The following MTFR1 variants were observed in gnomAD, a reference collection of about 807,000 sequenced individuals.
MTFR1 encodes chondrocyte protein with a poly-proline region.
A neutral mutation model predicts 38.8 loss-of-function variants in MTFR1; 28 were observed. The ratio of observed to expected loss-of-function variants is 0.72; its 90% confidence interval spans 0.53 to 0.99. MTFR1 has a LOEUF of 0.99. MTFR1 is among the 50% of genes least tolerant of loss of function. The pLI, the probability that MTFR1 is intolerant of heterozygous loss-of-function variation, is 0.00. For missense variants in MTFR1, 358 were observed against 395.5 expected (o/e 0.91, Z 0.81); for synonymous variants, 145 against 137.0 (o/e 1.06, Z -0.41).
At chr8:65,732,959 C>T (rs925607865) in intron 3 of MTFR1, among the ~76,000 whole-genome samples, 1 of 152,136 alleles carries the variant, frequency 6.6e-6, no homozygotes, top group African/African-American at 2.4e-5. Flanking sequence ...AGCCATCCGC[C>T]TCAGCCTCCC....
chr8:65,667,037 G>A (rs1432372246), intron 1 of MTFR1, among the ~76,000 whole-genome samples: 1 of 152,172 alleles, frequency 6.6e-6, no homozygotes, highest in African/African-American at 2.4e-5. Flanking sequence ...ACTTTGGGAG[G>A]CTGAGGTGGT....
At chr8:65,724,310 C>A (rs200682112) in intron 3 of MTFR1, 14 of 1,612,808 alleles carry the variant, frequency 8.7e-6, no homozygotes, top group East Asian at 2.2e-5. Context: ...TTAATTCCCA[C>A]GTCCGACATG....
Position 65,707,214 on chromosome 8 carries a change from T to G in MTFR1, c.722T>G (p.Ile241Ser). The G allele has an allele frequency of 6.2e-7, 1 of 1,614,192 alleles. No homozygotes were observed. The highest frequency in any genetic ancestry group is 1.1e-5 in the South Asian group (1 of 91,088). The change falls in exon 6 of 8, where the codon ATC (isoleucine) becomes AGC (serine). Residue 241 changes from isoleucine to serine, a missense_variant. Ile to Ser is a moderately radical substitution (Grantham distance 142). Transcript: ENST00000262146. ...CCTGAAATGCCAAATATGCTAGAGA[T>G]CCTTAAAGAGATGAACAGTGTAAAA... Reference protein sequence around the residue: ...KKPEMPNMLEILKEMNSVKLR... With the variant: ...KKPEMPNMLESLKEMNSVKLR...
rs550259405 is a variant in MTFR1, at chr8:65,735,011, C to T, written c.*48+15530C>T. 1.5e-5 allele frequency: 10 copies of T among 671,540 alleles called. 1 individual carries two copies. Among genetic ancestry groups the T allele is most frequent in the South Asian group, 7.1e-5 (4 of 56,214 alleles). The allele number at this position is 671,540 out of a possible 1,614,324, so 41.6% of individuals were successfully genotyped here. A position where few individuals can be genotyped will look rare whatever the true frequency, so the allele number is the denominator to read the frequency against. On this transcript the variant is annotated intron_variant, in intron 3 of 3. Transcript: ENST00000521247. ...TTTTCATGTAGCTATCGGCTAAAAT[C>T]GTGCCGATTCGGGCAGATGATAATC...
intron 1 of MTFR1, among the ~76,000 whole-genome samples, chr8:65,668,751 C>A (rs2129050897): frequency 6.6e-6 from 1 of 152,126 alleles, no homozygotes; most frequent in Admixed American, 6.6e-5. Flanking sequence ...TGACCTCAAG[C>A]AATCCGCCTC....
At chr8:65,757,872 C>T (rs1180838147) in intron 3 of MTFR1, among the ~76,000 whole-genome samples, 2 of 152,190 alleles carry the variant, frequency 1.3e-5, no homozygotes, top group African/African-American at 4.8e-5. Context: ...CCGCCTTGGC[C>T]TCCCAAAGTG....
At chr8:65,768,404 G>A (rs1254156436) in intron 3 of MTFR1, among the ~76,000 whole-genome samples, 1 of 152,166 alleles carries the variant, frequency 6.6e-6, no homozygotes, top group Admixed American at 6.5e-5. Flanking sequence ...TCTCATGATA[G>A]TGAATAAGTC....
chr8:65,707,714 ATTTAT>A, intron 6 of MTFR1, 124 bp from the exon 7 acceptor site: 1 of 1,166,912 alleles, frequency 8.6e-7, no homozygotes, highest in South Asian at 1.6e-5. Flanking sequence ...TGCTAGCAGT[ATTTAT>A]CAGGTCTCTA....
At chr8:65,682,849 G>A (rs1400450904) in intron 3 of MTFR1, 1 of 984,948 alleles carries the variant, frequency 1.0e-6, no homozygotes, top group Non-Finnish European at 1.2e-6. Context: ...TTAGATCTCT[G>A]TGGATGCCAT....
intron 3 of MTFR1, chr8:65,727,499 T>A (rs529404003): frequency 1.7e-6 from 1 of 585,658 alleles, no homozygotes; most frequent in Non-Finnish European, 2.8e-6. Flanking sequence ...GGCAAAGCCA[T>A]GATACAACAG....
intron 1 of MTFR1, among the ~76,000 whole-genome samples, chr8:65,651,705 C>T (rs993399606): frequency 1.3e-5 from 2 of 151,946 alleles, no homozygotes; most frequent in African/African-American, 4.8e-5. Flanking sequence ...TACTATAGCC[C>T]TGTAGTATAA....
At position 65,763,154 on chromosome 8, in the gene MTFR1, T is replaced by C. The variant is rs532024012; in HGVS notation, c.*49-7793T>C. 2.6e-5 allele frequency among the ~76,000 whole-genome samples: 4 copies of C among 152,146 alleles called. No homozygotes were observed. The East Asian group carries it at 7.7e-4, about 29-fold the overall frequency. ...CAACCAATATTCCCTCCCAAAAGAA[T>C]TGCTTAAGGGAGGGAATATTTGTTA... On this transcript the variant is annotated intron_variant, in intron 3 of 3. Transcript: ENST00000521247.
In MTFR1 at chr8:65,730,171, CTT is replaced by C. The variant is rs1179431555; in HGVS notation, c.*48+10715_*48+10716del. The stretch of plus-strand genomic sequence containing the variant: ...TGTGAGGGATCCAGGTTGCGCACTT[CTT>C]TTTTTTTTTTTTTTTTTTTTTTTTG... On this transcript the variant is annotated intron_variant, in intron 3 of 3. Coordinates refer to the MTFR1 transcript ENST00000521247. Among the ~76,000 whole-genome samples the C allele has an allele frequency of 2.5e-3, 212 of 86,434 alleles. 12 individuals are homozygous for C. Among genetic ancestry groups the C allele is most frequent in the South Asian group, 9.0e-3 (19 of 2,106 alleles). The allele number at this position is 86,434 out of a possible 152,430, so 56.7% of individuals were successfully genotyped here.
intron 3 of MTFR1, among the ~76,000 whole-genome samples, chr8:65,738,626 A>G (rs79056219): frequency 0.04 from 6,104 of 152,052 alleles, 182 homozygotes; most frequent in Non-Finnish European, 0.062. Context: ...GAGATGGGGT[A>G]TTTGCCATGT....
chr8:65,719,526 A>G, intron 3 of MTFR1: 2 of 1,380,726 alleles, frequency 1.4e-6, no homozygotes, highest in Non-Finnish European at 2.1e-6. Context: ...AGTTATTAAC[A>G]TATATGCTGA....
At chr8:65,702,203 A>C (rs1328987739) in intron 4 of MTFR1, among the ~76,000 whole-genome samples, 6 of 151,854 alleles carry the variant, frequency 4.0e-5, no homozygotes, top group African/African-American at 1.5e-4. Flanking sequence ...CTCTGTCAAA[A>C]TGATTTCCCA....
intron 4 of MTFR1, among the ~76,000 whole-genome samples, chr8:65,695,104 A>G (rs1008951346): frequency 3.9e-5 from 6 of 152,236 alleles, no homozygotes; most frequent in Admixed American, 3.9e-4. Flanking sequence ...ATCAACATGT[A>G]AACAGTATGA....
downstream of MTFR1, chr8:65,714,699 T>G (rs1427158832): frequency 2.0e-5 from 3 of 152,238 alleles, no homozygotes; most frequent in Admixed American, 2.0e-4. Flanking sequence ...AAACAACATT[T>G]ATACATTAAA....
At chr8:65,667,695 G>A (rs542326431) in intron 1 of MTFR1, among the ~76,000 whole-genome samples, 1 of 152,136 alleles carries the variant, frequency 6.6e-6, no homozygotes, top group South Asian at 2.1e-4. Flanking sequence ...CCAGAGTGTT[G>A]GAATTACAGG....
Sources: gnomAD v4.1 joint callset for allele counts (sites outside exome capture counted in the v4.1 genomes callset) on GRCh38, gnomAD v4.1.1 for gene constraint, MANE v1.5 for transcripts, NCBI Gene and HGNC (gene_info 2026-07-23, HGNC 2026-07-21) for gene names.